Variants in PTPRH observed in about 807,000 individuals in gnomAD.
The protein encoded by PTPRH is protein tyrosine phosphatase receptor type H, also known as receptor-type tyrosine-protein phosphatase H.
In PTPRH, 113 loss-of-function variants were observed where a neutral mutation model predicts 130.2. The observed-to-expected ratio is 0.87, with a 90% CI of 0.75 to 1.01. The LOEUF is 1.01. PTPRH is among the 50% of genes least tolerant of loss of function. The probability of loss-of-function intolerance (pLI) is 0.00; values close to 1 mark genes in which losing one functional copy is unlikely to be tolerated. For missense variants in PTPRH, 1,430 were observed against 1,425.0 expected (o/e 1.00, Z -0.06); for synonymous variants, 556 against 577.9 (o/e 0.96, Z 0.54).
intron 3 of PTPRH, 133 bp from the exon 4 acceptor site, chr19:55,205,725 G>A (rs1294851030): frequency 1.9e-5 from 25 of 1,335,902 alleles, no homozygotes; most frequent in Admixed American, 1.4e-4. Context: ...TGGCAGCCAC[G>A]AGTTCCACGT....
intron 3 of PTPRH, 101 bp from the exon 4 acceptor site, chr19:55,205,693 C>T: frequency 6.5e-7 from 1 of 1,535,476 alleles, no homozygotes; most frequent in Non-Finnish European, 8.8e-7. Flanking sequence ...GGCAGGGAGG[C>T]CCAGCTCTGC....
In PTPRH at chr19:55,197,226, C is replaced by T. The variant is rs1373734349; in HGVS notation, c.1881G>A (p.Glu627=). The T allele has an allele frequency of 6.2e-7, 1 of 1,614,160 alleles. No individual in the cohort carries two copies. The highest frequency in any genetic ancestry group is 2.2e-5 in the East Asian group (1 of 44,898). The part of the protein sequence containing the change: ...NWVNQTSRTN[E]TWYKVEALEP... ...CCAGGGCCTCCACTTTGTACCACGTCTCATTGGTCCTGCTGGTCTGGTTGA... is the reference window on the plus strand; with the variant it reads ...CCAGGGCCTCCACTTTGTACCACGTTTCATTGGTCCTGCTGGTCTGGTTGA... The change falls in exon 9 of 20, where the codon GAG becomes GAA. Residue 627 remains glutamate, a synonymous_variant. Transcript: ENST00000376350.
At position 55,203,976 on chromosome 19, in the gene PTPRH, G is replaced by A. The variant is rs770049691; in HGVS notation, c.692C>T (p.Pro231Leu). Reference protein sequence around the residue: ...TSSISLSWEVPDGTDPQNSTY... With the variant: ...TSSISLSWEVLDGTDPQNSTY... The stretch of plus-strand genomic sequence containing the variant: ...CGAGTTCTGTGGGTCTGTGCCATCG[G>A]GGACCTCCCAGCTCAGGGAGATGGA... Residue 231 changes from proline (P) to leucine (L), a missense_variant, in exon 5 of 20, where the codon CCC (proline) becomes CTC (leucine). By Grantham distance (98) the Pro-to-Leu change is moderately conservative. Transcript: ENST00000376350. The A allele has an allele frequency of 6.2e-7, 1 of 1,614,172 alleles. No individual in the cohort carries two copies. Among genetic ancestry groups the A allele is most frequent in the Non-Finnish European group, 8.5e-7 (1 of 1,180,022 alleles).
chr19:55,195,763 G>A (rs1306565867), intron 10 of PTPRH, among the ~76,000 whole-genome samples: 1 of 152,078 alleles, frequency 6.6e-6, no homozygotes, highest in Non-Finnish European at 1.5e-5. Context: ...TAGAGATGGG[G>A]TCTCACTCTG....
At chr19:55,205,290 CAAGT>C in intron 4 of PTPRH, 32 bp downstream of exon 4, 1 of 1,611,934 alleles carries the variant, frequency 6.2e-7, no homozygotes, top group Non-Finnish European at 8.5e-7. Flanking sequence ...GCCCCTTAAA[CAAGT>C]AAGAGCAAAA....
At chr19:55,206,611 G>C (rs147662374) in intron 3 of PTPRH, 78 bp downstream of exon 3, 8 of 1,365,678 alleles carry the variant, frequency 5.9e-6, no homozygotes, top group Non-Finnish European at 7.8e-6. Flanking sequence ...AGAACCTGTC[G>C]CATTTTGTCA....
At chr19:55,182,803 T>C (rs2086213833) in intron 18 of PTPRH, among the ~76,000 whole-genome samples, 1 of 151,954 alleles carries the variant, frequency 6.6e-6, no homozygotes, top group Non-Finnish European at 1.5e-5. Flanking sequence ...ATTAGTCTTT[T>C]GTTTTGTTTG....
intron 8 of PTPRH, among the ~76,000 whole-genome samples, chr19:55,198,402 TC>T (rs896439097): frequency 5.1e-4 from 78 of 151,744 alleles, no homozygotes; most frequent in African/African-American, 1.8e-3. Flanking sequence ...AATTGAGGGC[TC>T]CCCCTGACCC....
intron 10 of PTPRH, chr19:55,192,114 A>G (rs1293335925): frequency 5.2e-6 from 2 of 385,290 alleles, no homozygotes; most frequent in Admixed American, 6.2e-5. Flanking sequence ...AATACAGCAT[A>G]TAGTACGGCC....
chr19:55,194,263 C>G lies in PTPRH; in HGVS notation c.2257+2259G>C, dbSNP rs762424644. The G allele has an allele frequency of 1.0e-5, 13 of 1,289,504 alleles. No homozygotes were observed. The East Asian group carries it at 2.2e-4, about 22-fold the overall frequency. The allele number at this position is 1,289,504 out of a possible 1,614,324, so 79.9% of individuals were successfully genotyped here. A position where few individuals can be genotyped will look rare whatever the true frequency, so the allele number is the denominator to read the frequency against. The stretch of plus-strand genomic sequence containing the variant: ...CAAGCCTATGGCCCATCTTCATCAG[C>G]CTTGAAGGCCCCCAAGCTGCAGCTT... On this transcript the variant is annotated intron_variant, in intron 10 of 19. Transcript: ENST00000376350.
Position 55,186,293 on chromosome 19 carries a change from A to C in PTPRH, c.2710T>G (p.Trp904Gly). ...CTCTGCTGTTCCCACACCAGGCGCC[A>C]GAAGTCACCCACTGTCTGTGGCAGG... The part of the protein sequence containing the change: ...GPLPQTVGDF[W>G]RLVWEQQSHT... The change falls in exon 16 of 20, where the codon TGG becomes GGG. Residue 904 changes from tryptophan (W) to glycine (G), a missense_variant. Trp to Gly is a radical substitution (Grantham distance 184, BLOSUM62 -2). Transcript: ENST00000376350. The C allele has an allele frequency of 6.2e-7, 1 of 1,614,114 alleles. No individual in the cohort carries two copies. Among genetic ancestry groups the C allele is most frequent in the Non-Finnish European group, 8.5e-7 (1 of 1,179,992 alleles).
At chr19:55,182,669 G>A (rs2086211324) in intron 18 of PTPRH, among the ~76,000 whole-genome samples, 1 of 152,172 alleles carries the variant, frequency 6.6e-6, no homozygotes, top group African/African-American at 2.4e-5. Flanking sequence ...ATGGGGAAAT[G>A]GAGGCTGAGT....
intron 4 of PTPRH, among the ~76,000 whole-genome samples, 181 bp from the exon 5 acceptor site, chr19:55,204,229 C>T (rs1421690002): frequency 6.6e-6 from 1 of 152,176 alleles, no homozygotes; most frequent in Non-Finnish European, 1.5e-5. Flanking sequence ...AAGCGATTCT[C>T]CTGCCTCAGC....
At chr19:55,202,032 A>C (rs1421371046) in intron 6 of PTPRH, 24 bp downstream of exon 6, 5 of 1,612,302 alleles carry the variant, frequency 3.1e-6, no homozygotes, top group Non-Finnish European at 4.2e-6. Flanking sequence ...ATAAGAGATC[A>C]AACAAATGGC....
At chr19:55,187,696 AC>A in intron 13 of PTPRH, 93 bp from the exon 14 acceptor site, 1 of 899,606 alleles carries the variant, frequency 1.1e-6, no homozygotes, top group Non-Finnish European at 1.8e-6. Context: ...CTTCGGCATC[AC>A]CCCTTGTTTA....
At chr19:55,197,035 T>C (rs1302902829) in intron 9 of PTPRH, 82 bp downstream of exon 9, 1 of 1,501,058 alleles carries the variant, frequency 6.7e-7, no homozygotes, top group African/African-American at 1.4e-5. Context: ...CTGATGGAAT[T>C]TGTATTCCAT....
At position 55,207,185 on chromosome 19, in the gene PTPRH, C is replaced by T. The variant is rs767937735; in HGVS notation, c.66G>A (p.Trp22Ter). 8.7e-6 allele frequency: 14 copies of T among 1,613,310 alleles called. No homozygotes were observed. Among genetic ancestry groups the T allele is most frequent in the Non-Finnish European group, 1.1e-5 (13 of 1,179,830 alleles). ...ACTCACCAGGCGCCCTGGCCCCTGT[C>T]CAGCTGCACAGGCCCTGGAGGGAAC... Reference protein sequence around the residue: ...GNLVLLGLCSWTGARAPAPNP... With the variant: ...GNLVLLGLCS The change falls in exon 2 of 20, where the codon TGG (tryptophan) becomes TGA (stop). Residue 22 changes from tryptophan to a stop codon, truncating the protein, a stop_gained. Coordinates refer to ENST00000376350, the MANE Select transcript of PTPRH (RefSeq NM_002842.5). LOFTEE classifies it high-confidence loss of function.
chr19:55,181,915 G>A lies in PTPRH; in HGVS notation c.3199-12C>T, dbSNP rs1291563037. On this transcript the variant is annotated splice_polypyrimidine_tract_variant and intron_variant, in intron 19 of 19. Coordinates refer to ENST00000376350, the MANE Select transcript of PTPRH (RefSeq NM_002842.5). ...AATACGTACTGAGCCTGGGAAGCAGGCACGGGAGTGAGAGGCGTCCCCCCA... is the reference window on the plus strand; with the variant it reads ...AATACGTACTGAGCCTGGGAAGCAGACACGGGAGTGAGAGGCGTCCCCCCA... 1.2e-6 allele frequency: 2 copies of A among 1,614,210 alleles called. No homozygotes were observed. Among genetic ancestry groups the A allele is most frequent in the Non-Finnish European group, 1.7e-6 (2 of 1,180,016 alleles).
At chr19:55,198,223 A>C (rs908641961) in intron 8 of PTPRH, among the ~76,000 whole-genome samples, 1 of 152,136 alleles carries the variant, frequency 6.6e-6, no homozygotes, top group African/African-American at 2.4e-5. Flanking sequence ...CACACACACA[A>C]AAAAGAATGA....
Sources: gnomAD v4.1 joint callset for allele counts (sites outside exome capture counted in the v4.1 genomes callset) on GRCh38, gnomAD v4.1.1 for gene constraint, MANE v1.5 for transcripts, NCBI Gene and HGNC (gene_info 2026-07-23, HGNC 2026-07-21) for gene names.